RCAN2: variants seen among roughly 807,000 people sequenced by gnomAD.
RCAN2 encodes the protein calcipressin-2.
RCAN2 carries 9 observed loss-of-function variants against 23.6 expected under a neutral mutation model. The ratio of observed to expected loss-of-function variants is 0.38; its 90% CI spans 0.23 to 0.67. The LOEUF (loss-of-function observed/expected upper bound fraction) is 0.67, where lower values mean the gene tolerates loss of function less well. RCAN2 is among the 30% of genes least tolerant of loss of function. RCAN2 has a pLI of 0.51. For synonymous variants in RCAN2, 109 were observed against 115.7 expected, an observed-to-expected ratio of 0.94 and a Z score of 0.37; for missense variants, 273 against 302.3, an observed-to-expected ratio of 0.90 and a Z score of 0.72.
At chr6:46,226,002 A>G (rs918036655) in intron 4 of RCAN2, among the ~76,000 whole-genome samples, 2 of 152,212 alleles carry the variant, frequency 1.3e-5, no homozygotes, top group African/African-American at 2.4e-5. Context: ...CTTTCTACAT[A>G]TGGCTAGCCA....
intron 1 of RCAN2, among the ~76,000 whole-genome samples, chr6:46,462,223 G>A (rs9472753): frequency 0.028 from 4,316 of 152,206 alleles, 108 homozygotes; most frequent in South Asian, 0.12. Context: ...ACCCTATTAG[G>A]AGGAAAAGAT....
At chr6:46,418,718 TATATATATATATAC>T (rs2150411164) in intron 2 of RCAN2, among the ~76,000 whole-genome samples, 1 of 131,848 alleles carries the variant, frequency 7.6e-6, no homozygotes, top group African/African-American at 2.8e-5. Context: ...TATATATATA[TATATATATATATAC>T]AGTTGCAGGT....
chr6:46,366,399 A>T (rs1341124327), intron 2 of RCAN2, among the ~76,000 whole-genome samples: 1 of 152,084 alleles, frequency 6.6e-6, no homozygotes, highest in Non-Finnish European at 1.5e-5. Flanking sequence ...CCAGGCAAAA[A>T]TTCCAAAGAT....
rs926027220 is a variant in RCAN2, at chr6:46,256,766, T to C, written c.226-7870A>G. ...TATGGCAAAATAAAATAAAGTAAAATGGAAAACGAGAAGAGAAAAAGGGGG... is the reference window on the plus strand; with the variant it reads ...TATGGCAAAATAAAATAAAGTAAAACGGAAAACGAGAAGAGAAAAAGGGGG... On this transcript the variant is annotated intron_variant, in intron 2 of 4. Coordinates refer to ENST00000371374, the MANE Select transcript of RCAN2 (RefSeq NM_001251974.2). Among the ~76,000 whole-genome samples, 6 of 152,032 alleles carry C rather than the reference T, an allele frequency of 3.9e-5. No homozygotes were observed. The East Asian group carries it at 7.7e-4, about 20-fold the overall frequency.
chr6:46,375,182 T>G (rs916627941), intron 2 of RCAN2, among the ~76,000 whole-genome samples: 2 of 152,230 alleles, frequency 1.3e-5, no homozygotes, highest in Admixed American at 6.5e-5. Context: ...TCACCTCAAG[T>G]GATCTGCCTG....
intron 1 of RCAN2, among the ~76,000 whole-genome samples, chr6:46,480,657 G>C (rs1050123012): frequency 1.3e-5 from 2 of 150,990 alleles, no homozygotes; most frequent in Non-Finnish European, 2.9e-5. Context: ...CGGAGTCTTC[G>C]ATCTGTCACC....
intron 1 of RCAN2, among the ~76,000 whole-genome samples, chr6:46,489,708 G>T (rs961635765): frequency 6.6e-6 from 1 of 152,176 alleles, no homozygotes; most frequent in African/African-American, 2.4e-5. Flanking sequence ...AGCATTTTGA[G>T]AGCTCTCAGA....
At chr6:46,263,898 G>T (rs1037223858) in intron 2 of RCAN2, among the ~76,000 whole-genome samples, 3 of 152,038 alleles carry the variant, frequency 2.0e-5, no homozygotes, top group African/African-American at 7.2e-5. Flanking sequence ...TGAGATTTTG[G>T]TATTAGTCAG....
intron 2 of RCAN2, among the ~76,000 whole-genome samples, chr6:46,266,716 C>T (rs1252898526): frequency 2.0e-5 from 3 of 152,196 alleles, no homozygotes; most frequent in South Asian, 2.1e-4. Flanking sequence ...ACTTTTCCCA[C>T]AGGGTCCCAG....
intron 2 of RCAN2, among the ~76,000 whole-genome samples, chr6:46,359,806 C>T (rs914155597): frequency 1.3e-5 from 2 of 152,034 alleles, no homozygotes; most frequent in African/African-American, 2.4e-5. Context: ...GATCATATCT[C>T]GTTTAATTTT....
chr6:46,404,495 A>T (rs551403522), intron 2 of RCAN2, among the ~76,000 whole-genome samples: 1 of 152,358 alleles, frequency 6.6e-6, no homozygotes, highest in South Asian at 2.1e-4. Context: ...GGTCTAGAGT[A>T]CCTTACTATA....
At chr6:46,354,238 TG>T in intron 2 of RCAN2, among the ~76,000 whole-genome samples, 1 of 151,208 alleles carries the variant, frequency 6.6e-6, no homozygotes, top group African/African-American at 2.4e-5. Flanking sequence ...TGTGTGTGTG[TG>T]TGTGTGTGTG....
At chr6:46,447,819 A>C (rs1193555684) in intron 2 of RCAN2, among the ~76,000 whole-genome samples, 1 of 151,818 alleles carries the variant, frequency 6.6e-6, no homozygotes, top group Non-Finnish European at 1.5e-5. Context: ...ACTAAAATCT[A>C]GTAGCATACT....
chr6:46,449,219 C>T (rs1033172093), intron 2 of RCAN2, among the ~76,000 whole-genome samples: 1 of 151,328 alleles, frequency 6.6e-6, no homozygotes, highest in African/African-American at 2.4e-5. Context: ...GAAAACCAAC[C>T]AAATTACAAA....
intron 2 of RCAN2, among the ~76,000 whole-genome samples, chr6:46,346,581 TA>T (rs1764488146): frequency 6.6e-6 from 1 of 152,082 alleles, no homozygotes; most frequent in African/African-American, 2.4e-5. Flanking sequence ...ATGCAACCAT[TA>T]AAAGTAGGTT....
At chr6:46,249,207 A>T (rs1156949655) in intron 2 of RCAN2, among the ~76,000 whole-genome samples, 1 of 151,918 alleles carries the variant, frequency 6.6e-6, no homozygotes, top group African/African-American at 2.4e-5. Context: ...TGATCATTAG[A>T]TTCTCAAAGA....
chr6:46,320,747 G>A (rs1323480608), intron 2 of RCAN2, among the ~76,000 whole-genome samples: 2 of 152,168 alleles, frequency 1.3e-5, no homozygotes, highest in African/African-American at 4.8e-5. Context: ...GAGCTGTCCT[G>A]TAGCAATCCT....
chr6:46,434,836 G>C (rs1330808123), intron 2 of RCAN2, among the ~76,000 whole-genome samples: 4 of 152,186 alleles, frequency 2.6e-5, no homozygotes, highest in Admixed American at 1.3e-4. Flanking sequence ...CATACTGTCA[G>C]CCAGTGGGTA....
At chr6:46,255,902 G>A (rs183200943) in intron 2 of RCAN2, among the ~76,000 whole-genome samples, 3 of 152,198 alleles carry the variant, frequency 2.0e-5, no homozygotes, top group African/African-American at 7.2e-5. Context: ...GGCTTCAGAG[G>A]TAGGGAACTG....
Sources: allele counts gnomAD v4.1 joint callset (sites outside exome capture counted in the v4.1 genomes callset), GRCh38; gene constraint gnomAD v4.1.1; transcripts MANE v1.5; gene names NCBI Gene and HGNC (gene_info 2026-07-23, HGNC 2026-07-21).